PCDH11X: variants seen among roughly 807,000 people sequenced by gnomAD.
PCDH11X encodes the protein protocadherin 11 X-linked, also known as protocadherin-11 X-linked.
A neutral mutation model predicts 53.3 loss-of-function variants in PCDH11X; 18 were observed. The observed-to-expected ratio is 0.34, with a 90% confidence interval of 0.23 to 0.50. The LOEUF is 0.50. PCDH11X is among the 20% of genes least tolerant of loss of function. The probability of loss-of-function intolerance (pLI) is 0.98; values close to 1 mark genes in which losing one functional copy is unlikely to be tolerated. For missense variants in PCDH11X, 570 were observed against 1,032.4 expected, an observed-to-expected ratio of 0.55 and a Z score of 6.14; for synonymous variants, 279 against 393.3, an observed-to-expected ratio of 0.71 and a Z score of 3.44.
chrX:91,926,584 T>A (rs745385241), intron 6 of PCDH11X, among the ~76,000 whole-genome samples: 10 of 111,507 alleles, frequency 9.0e-5, no homozygotes, highest in South Asian at 3.7e-4. Context: ...TGATTGAAAC[T>A]AAGTAAATAC....
chrX:92,326,375 G>A (rs1032563110), intron 8 of PCDH11X, among the ~76,000 whole-genome samples: 7 of 104,383 alleles, frequency 6.7e-5, no homozygotes, highest in African/African-American at 2.5e-4. Flanking sequence ...GAAATTCAGA[G>A]GGTATCATTC....
chrX:92,534,982 C>T (rs2074630338), intron 10 of PCDH11X, among the ~76,000 whole-genome samples: 1 of 111,413 alleles, frequency 9.0e-6, no homozygotes, highest in South Asian at 3.8e-4. Flanking sequence ...GATACCATCT[C>T]ACACCAGTCA....
At chrX:92,331,150 C>T (rs2069455038) in intron 8 of PCDH11X, among the ~76,000 whole-genome samples, 1 of 109,430 alleles carries the variant, frequency 9.1e-6, no homozygotes, top group Non-Finnish European at 1.9e-5. Context: ...ATGATGTTTT[C>T]ATCAACCTTA....
At chrX:91,980,818 T>C (rs1420528282) in intron 6 of PCDH11X, among the ~76,000 whole-genome samples, 1 of 108,985 alleles carries the variant, frequency 9.2e-6, no homozygotes. Context: ...ACTGTATTAC[T>C]ACTTTTATAT....
At chrX:91,914,224 C>T (rs1201418478) in intron 6 of PCDH11X, among the ~76,000 whole-genome samples, 1 of 110,690 alleles carries the variant, frequency 9.0e-6, no homozygotes, top group Non-Finnish European at 1.9e-5. Flanking sequence ...ATCAAGGAAT[C>T]ACCCTCTAGG....
chrX:92,287,963 G>A, intron 8 of PCDH11X: 3 of 515,061 alleles, frequency 5.8e-6, no homozygotes, highest in Non-Finnish European at 7.0e-6. Context: ...CTGGCCATGT[G>A]AAGACTGTGC....
At chrX:92,257,663 G>A (rs1256306197) in intron 7 of PCDH11X, among the ~76,000 whole-genome samples, 1 of 112,704 alleles carries the variant, frequency 8.9e-6, no homozygotes, top group East Asian at 2.8e-4. Flanking sequence ...CAGCAGAGCA[G>A]TTATTAAATT....
intron 6 of PCDH11X, among the ~76,000 whole-genome samples, chrX:92,197,557 T>C (rs767519672): frequency 1.8e-5 from 2 of 111,737 alleles, no homozygotes; most frequent in African/African-American, 3.2e-5. Flanking sequence ...TGAAAAAAAG[T>C]TTTTATAAAT....
At chrX:92,228,087 G>A (rs979823496) in intron 7 of PCDH11X, among the ~76,000 whole-genome samples, 4 of 111,431 alleles carry the variant, frequency 3.6e-5, no homozygotes, top group African/African-American at 1.3e-4. Context: ...TTTAAGGGAA[G>A]GTAGTCTTAC....
At chrX:92,424,184 GTT>G (rs10542503) in intron 9 of PCDH11X, among the ~76,000 whole-genome samples, 31,130 of 76,264 alleles carry the variant, frequency 0.41, 7,053 homozygotes, top group East Asian at 0.74. Flanking sequence ...ATTGGCAAAT[GTT>G]TTTTTTTTTT....
chrX:92,270,117 T>C (rs1467605622), intron 8 of PCDH11X, among the ~76,000 whole-genome samples: 3 of 108,571 alleles, frequency 2.8e-5, no homozygotes, highest in South Asian at 4.0e-4. Flanking sequence ...CTTTTCTTTT[T>C]TTTTTTTTTT....
At chrX:91,840,291 G>T (rs1160267127) in intron 5 of PCDH11X, among the ~76,000 whole-genome samples, 3 of 111,678 alleles carry the variant, frequency 2.7e-5, no homozygotes, top group African/African-American at 9.8e-5. Flanking sequence ...ACAGTGTGCT[G>T]ATTGATTTCC....
At chrX:91,882,734 C>T (rs949622402) in intron 6 of PCDH11X, among the ~76,000 whole-genome samples, 10 of 111,319 alleles carry the variant, frequency 9.0e-5, no homozygotes, top group Non-Finnish European at 1.3e-4. Context: ...ATGATAATTG[C>T]AGTCTGAGTT....
intron 10 of PCDH11X, among the ~76,000 whole-genome samples, chrX:92,535,144 T>C (rs900064150): frequency 8.9e-6 from 1 of 112,151 alleles, no homozygotes; most frequent in African/African-American, 3.2e-5. Context: ...AGCAGAACTA[T>C]CATTCAACCT....
At chrX:92,338,198 AAG>A (rs1046650492) in intron 8 of PCDH11X, among the ~76,000 whole-genome samples, 2 of 112,106 alleles carry the variant, frequency 1.8e-5, no homozygotes, top group African/African-American at 6.5e-5. Flanking sequence ...TTCCACATAG[AAG>A]ATTATTATTC....
intron 8 of PCDH11X, among the ~76,000 whole-genome samples, chrX:92,307,413 AT>A (rs2148477274): frequency 9.4e-6 from 1 of 106,877 alleles, no homozygotes; most frequent in East Asian, 3.0e-4. Flanking sequence ...CCCTTTTATG[AT>A]AAAAAATAAG....
chrX:92,534,514 A>G (rs1232420713), intron 10 of PCDH11X, among the ~76,000 whole-genome samples: 1 of 111,913 alleles, frequency 8.9e-6, no homozygotes, highest in East Asian at 2.8e-4. Context: ...TCCCCAACCT[A>G]GCAAGGCAGG....
chrX:92,436,975 A>T (rs1311471282), intron 9 of PCDH11X, among the ~76,000 whole-genome samples: 696 of 28,161 alleles, frequency 0.025, 3 homozygotes, highest in Middle Eastern at 0.048. Context: ...ATAAAAGGTA[A>T]AAAAAAAAAA....
intron 6 of PCDH11X, among the ~76,000 whole-genome samples, chrX:92,008,387 G>T (rs1337733942): frequency 9.1e-6 from 1 of 110,464 alleles, no homozygotes; most frequent in East Asian, 2.9e-4. Flanking sequence ...TGTGGGCGGG[G>T]GTCAGCTGAA....
Sources: allele counts gnomAD v4.1 joint callset (sites outside exome capture counted in the v4.1 genomes callset), GRCh38; gene constraint gnomAD v4.1.1; transcripts MANE v1.5; gene names NCBI Gene and HGNC (gene_info 2026-07-23, HGNC 2026-07-21).